The following KALRN variants were observed in gnomAD, a reference collection of about 807,000 sequenced individuals.
KALRN encodes kalirin RhoGEF kinase, also known as kalirin.
A neutral mutation model predicts 353.7 loss-of-function variants in KALRN; 70 were observed. That is an observed-to-expected ratio of 0.20 (90% confidence interval 0.16 to 0.24). The LOEUF (loss-of-function observed/expected upper bound fraction) is 0.24. Ranked by LOEUF, KALRN falls within the 10% of genes least tolerant of loss-of-function variation. KALRN has a pLI of 1.00. For synonymous variants in KALRN, 1,391 were observed against 1,434.8 expected (o/e 0.97, Z 0.69); for missense variants, 2,791 against 3,756.7 (o/e 0.74, Z 6.72).
chr3:124,414,938 T>C (rs1318669416), intron 14 of KALRN, among the ~76,000 whole-genome samples: 1 of 152,242 alleles, frequency 6.6e-6, no homozygotes, highest in Non-Finnish European at 1.5e-5. Flanking sequence ...TTTAAAGTAC[T>C]GTGTTTCTTT....
At chr3:124,685,941 C>G (rs1374413515) in intron 51 of KALRN, among the ~76,000 whole-genome samples, 1 of 152,150 alleles carries the variant, frequency 6.6e-6, no homozygotes, top group East Asian at 1.9e-4. Flanking sequence ...CCCCCCAACC[C>G]CACCCCCATG....
At chr3:124,053,270 A>G (rs906116481) in intron 1 of KALRN, among the ~76,000 whole-genome samples, 1 of 152,234 alleles carries the variant, frequency 6.6e-6, no homozygotes, top group Non-Finnish European at 1.5e-5. Flanking sequence ...AATAAAAACA[A>G]TCTAATTTAG....
At chr3:124,451,765 A>T (rs2058809079) in intron 21 of KALRN, among the ~76,000 whole-genome samples, 1 of 152,208 alleles carries the variant, frequency 6.6e-6, no homozygotes, top group Admixed American at 6.5e-5. Flanking sequence ...GAAAACTGGA[A>T]TGTCACCCAA....
At chr3:124,596,446 G>C (rs932791480) in intron 34 of KALRN, among the ~76,000 whole-genome samples, 2 of 152,042 alleles carry the variant, frequency 1.3e-5, no homozygotes, top group South Asian at 2.1e-4. Context: ...CATCCTGGGG[G>C]ACAAGAGCAA....
chr3:124,458,500 A>G (rs2059555029), intron 23 of KALRN, among the ~76,000 whole-genome samples: 1 of 151,988 alleles, frequency 6.6e-6, no homozygotes, highest in African/African-American at 2.4e-5. Flanking sequence ...ACTGATTCCC[A>G]TTTTACTTAT....
At chr3:124,407,283 G>A (rs2091663608) in intron 13 of KALRN, among the ~76,000 whole-genome samples, 1 of 152,008 alleles carries the variant, frequency 6.6e-6, no homozygotes, top group African/African-American at 2.4e-5. Context: ...ATAGTAGTCA[G>A]CATTGTTATT....
intron 34 of KALRN, among the ~76,000 whole-genome samples, chr3:124,617,932 G>A (rs114086815): frequency 0.024 from 3,638 of 152,132 alleles, 70 homozygotes; most frequent in Non-Finnish European, 0.032. Flanking sequence ...TGAACAAAGC[G>A]ATACAATTGC....
At chr3:124,665,662 G>A (rs947212605) in intron 45 of KALRN, among the ~76,000 whole-genome samples, 4 of 152,002 alleles carry the variant, frequency 2.6e-5, no homozygotes. Flanking sequence ...ATGAGGTTTC[G>A]CCATGTTGGG....
chr3:124,631,681 C>T (rs1331976944), intron 34 of KALRN, among the ~76,000 whole-genome samples: 2 of 152,206 alleles, frequency 1.3e-5, no homozygotes, highest in African/African-American at 4.8e-5. Context: ...CCTATTTCCA[C>T]TTGCCCTCAA....
chr3:124,666,234 C>G (rs1280380735), intron 45 of KALRN, among the ~76,000 whole-genome samples: 1 of 152,216 alleles, frequency 6.6e-6, no homozygotes, highest in Admixed American at 6.5e-5. Flanking sequence ...CTTGCTTTCC[C>G]TTTCCCTCCA....
intron 10 of KALRN, among the ~76,000 whole-genome samples, chr3:124,352,325 TA>T (rs778453667): frequency 1.3e-5 from 2 of 152,222 alleles, no homozygotes; most frequent in South Asian, 2.1e-4. Flanking sequence ...AGATATTTGC[TA>T]TTATGAGGTA....
intron 37 of KALRN, among the ~76,000 whole-genome samples, chr3:124,649,541 A>G (rs1229682246): frequency 1.3e-5 from 2 of 152,148 alleles, no homozygotes; most frequent in Admixed American, 6.5e-5. Context: ...TGAGAGGCTG[A>G]GGTGGGAGTA....
chr3:124,625,730 T>G (rs2079875674), intron 34 of KALRN, among the ~76,000 whole-genome samples: 1 of 66,628 alleles, frequency 1.5e-5, no homozygotes, highest in African/African-American at 1.2e-4. Context: ...GCCCAAATGT[T>G]CATTAGGAAA....
intron 15 of KALRN, among the ~76,000 whole-genome samples, chr3:124,430,300 A>AT (rs1424968886): frequency 1.2e-4 from 19 of 152,334 alleles, no homozygotes; most frequent in Non-Finnish European, 2.2e-4. Context: ...AAAGAAAAGG[A>AT]TACCAACAGA....
At chr3:124,639,275 G>A (rs571605384) in intron 37 of KALRN, among the ~76,000 whole-genome samples, 108 of 152,212 alleles carry the variant, frequency 7.1e-4, no homozygotes, top group African/African-American at 2.6e-3. Flanking sequence ...GACCAGCCCA[G>A]GCCAAATTTC....
intron 12 of KALRN, chr3:124,395,620 C>CAA: frequency 2.5e-6 from 1 of 401,852 alleles, no homozygotes; most frequent in Non-Finnish European, 4.5e-6. Context: ...TAACAAAAGA[C>CAA]AAAAAAAACA....
At chr3:124,351,151 C>T (rs1396331805) in intron 10 of KALRN, among the ~76,000 whole-genome samples, 1 of 152,152 alleles carries the variant, frequency 6.6e-6, no homozygotes, top group Non-Finnish European at 1.5e-5. Flanking sequence ...TTCTTTCTCT[C>T]TTGTTTCTGC....
intron 5 of KALRN, among the ~76,000 whole-genome samples, chr3:124,277,444 G>A (rs896171370): frequency 1.3e-5 from 2 of 152,128 alleles, no homozygotes; most frequent in African/African-American, 4.8e-5. Context: ...ACAGTGTCCT[G>A]TATTATTTCC....
chr3:124,496,231 A>G (rs1156585245), intron 32 of KALRN, 80 bp from the exon 33 acceptor site: 20 of 1,051,734 alleles, frequency 1.9e-5, no homozygotes, highest in Admixed American at 1.8e-5. Context: ...CTGCCCACCC[A>G]ACCGGAAATC....
Sources: allele counts gnomAD v4.1 joint callset (sites outside exome capture counted in the v4.1 genomes callset), GRCh38; gene constraint gnomAD v4.1.1; transcripts MANE v1.5; gene names NCBI Gene and HGNC (gene_info 2026-07-23, HGNC 2026-07-21).